Variants in ZNF704 observed in about 807,000 individuals in gnomAD.
ZNF704 encodes the protein zinc finger protein 704.
Under a neutral mutation model 44.7 loss-of-function variants are expected in ZNF704, and 10 were observed. That is an observed-to-expected ratio of 0.22 (90% CI 0.14 to 0.38). ZNF704 has a LOEUF of 0.38. Ranked by LOEUF, ZNF704 falls within the 10% of genes least tolerant of loss-of-function variation. ZNF704 has a pLI of 1.00. For missense variants in ZNF704, 390 were observed against 545.5 expected (o/e 0.71, Z 2.84); for synonymous variants, 211 against 207.6 (o/e 1.02, Z -0.14).
chr8:80,656,261 T>A (rs1451604343), intron 7 of ZNF704, among the ~76,000 whole-genome samples: 5 of 152,182 alleles, frequency 3.3e-5, no homozygotes, highest in Admixed American at 1.3e-4. Context: ...GAAGGGGTCT[T>A]CACCAGAACT....
chr8:80,779,283 C>T (rs112410754), intron 2 of ZNF704, among the ~76,000 whole-genome samples: 54 of 152,218 alleles, frequency 3.5e-4, no homozygotes, highest in African/African-American at 1.1e-3. Context: ...TTATTCTCCC[C>T]CAGGCTGGTG....
At chr8:80,687,764 A>T (rs553944010) in intron 3 of ZNF704, among the ~76,000 whole-genome samples, 13 of 152,264 alleles carry the variant, frequency 8.5e-5, no homozygotes, top group African/African-American at 3.1e-4. Flanking sequence ...GAAAAAAAAG[A>T]TTTTCTTGTT....
chr8:80,847,316 A>C (rs1385087706), intron 1 of ZNF704, among the ~76,000 whole-genome samples: 1 of 152,230 alleles, frequency 6.6e-6, no homozygotes, highest in Non-Finnish European at 1.5e-5. Flanking sequence ...TTGTTGGTGA[A>C]ATAAATCAAG....
chr8:80,670,685 C>T (rs983949114), intron 4 of ZNF704, 82 bp from the exon 5 acceptor site: 28 of 1,023,522 alleles, frequency 2.7e-5, no homozygotes, highest in Non-Finnish European at 3.9e-5. Context: ...ATATTTTTTT[C>T]CTTCATTAGA....
In ZNF704 at chr8:80,797,294, C is replaced by T. The variant is rs112232914; in HGVS notation, c.221+24080G>A. On this transcript the variant is annotated intron_variant, in intron 2 of 8. Transcript: ENST00000327835. ...GCTCTCACAGCTCCACTAGGCAATGCCCTGGTAGGAACTCTATGGCAAGAT... is the reference window on the plus strand; with the variant it reads ...GCTCTCACAGCTCCACTAGGCAATGTCCTGGTAGGAACTCTATGGCAAGAT... Among the ~76,000 whole-genome samples the T allele has an allele frequency of 3.2e-3, 488 of 152,214 alleles. 3 individuals carry two copies. The highest frequency in any genetic ancestry group is 0.011 in the African/African-American group (474 of 41,544).
At chr8:80,751,125 T>G (rs1242686842) in intron 2 of ZNF704, among the ~76,000 whole-genome samples, 4 of 152,192 alleles carry the variant, frequency 2.6e-5, no homozygotes, top group African/African-American at 9.7e-5. Context: ...TCTTAATATC[T>G]GGACATATTT....
At chr8:80,732,255 T>C (rs1303618743) in intron 2 of ZNF704, among the ~76,000 whole-genome samples, 1 of 152,220 alleles carries the variant, frequency 6.6e-6, no homozygotes, top group African/African-American at 2.4e-5. Flanking sequence ...ATTCTGTTTA[T>C]TATTCCCCTT....
intron 2 of ZNF704, among the ~76,000 whole-genome samples, chr8:80,816,577 T>C (rs1244508133): frequency 1.3e-5 from 2 of 152,190 alleles, no homozygotes; most frequent in Admixed American, 6.5e-5. Context: ...TTTTCATCTC[T>C]CTCAGAGAGA....
rs1585908707 is a variant in ZNF704 at position 80,632,891 on chromosome 8, T to A, written c.*8475A>T. 6.6e-6 allele frequency: 1 copy of A among 152,196 alleles called. No homozygotes were observed. The highest frequency in any genetic ancestry group is 2.4e-5 in the African/African-American group (1 of 41,446). The allele number at this position is 152,196 out of a possible 1,614,324, so 9.4% of individuals were successfully genotyped here. A position where few individuals can be genotyped will look rare whatever the true frequency, so the allele number is the denominator to read the frequency against. ...CTGTATTACTTTAGAAACATAATAA[T>A]AAATATTATTCATCAAAAACCCTGT... On this transcript the variant is annotated 3_prime_UTR_variant, in exon 9 of 9. Coordinates refer to ENST00000327835, the MANE Select transcript of ZNF704 (RefSeq NM_001033723.3).
intron 2 of ZNF704, among the ~76,000 whole-genome samples, chr8:80,733,757 C>T (rs566577778): frequency 1.3e-5 from 2 of 152,320 alleles, no homozygotes; most frequent in Admixed American, 1.3e-4. Context: ...GGCAGATTCA[C>T]CTCTCTATTT....
At chr8:80,851,696 C>T (rs1346401308) in intron 1 of ZNF704, among the ~76,000 whole-genome samples, 1 of 151,862 alleles carries the variant, frequency 6.6e-6, no homozygotes, top group Non-Finnish European at 1.5e-5. Context: ...GCACGTTGTG[C>T]ACATGTACCC....
At chr8:80,814,229 T>A (rs1434120226) in intron 2 of ZNF704, 2 of 152,328 alleles carry the variant, frequency 1.3e-5, no homozygotes, top group Middle Eastern at 3.4e-3. Context: ...TTCTTACAGG[T>A]AACGGAGGAC....
chr8:80,811,745 C>G (rs535485549), intron 2 of ZNF704, among the ~76,000 whole-genome samples: 68 of 152,286 alleles, frequency 4.5e-4, no homozygotes, highest in African/African-American at 1.6e-3. Flanking sequence ...GAATTGTGTA[C>G]AAGGGGCTTA....
At position 80,628,999 on chromosome 8, in the gene ZNF704, C is replaced by T. The variant is rs1817544179; in HGVS notation, c.*12367G>A. 1 of 151,982 alleles carries T rather than the reference C, an allele frequency of 6.6e-6. No homozygotes were observed. The highest frequency in any genetic ancestry group is 1.5e-5 in the Non-Finnish European group (1 of 68,014). 9.4% of individuals were successfully genotyped at this position (151,982 alleles called of 1,614,324 possible). On this transcript the variant is annotated 3_prime_UTR_variant, in exon 9 of 9. Coordinates refer to ENST00000327835, the MANE Select transcript of ZNF704 (RefSeq NM_001033723.3). Reference sequence around the variant, plus strand: ...AAATTTCCTTCTGTTTCAATTAGCACCAGTGTATTTAAAAATATTTTTCCT... The same window carrying T: ...AAATTTCCTTCTGTTTCAATTAGCATCAGTGTATTTAAAAATATTTTTCCT...
chr8:80,687,156 G>A (rs992933512), intron 4 of ZNF704, 70 bp downstream of exon 4: 22 of 1,347,188 alleles, frequency 1.6e-5, no homozygotes, highest in Middle Eastern at 1.9e-4. Context: ...AGCTCACACC[G>A]GCCCTTCAGA....
At chr8:80,876,187 G>A (rs187142743), upstream of ZNF704, among the ~76,000 whole-genome samples, 9 of 152,076 alleles carry the variant, frequency 5.9e-5, no homozygotes, top group Admixed American at 4.6e-4. Flanking sequence ...TTATGTTTCC[G>A]AAACCCCATT....
At chr8:80,861,671 C>T (rs567790118) in intron 1 of ZNF704, among the ~76,000 whole-genome samples, 2 of 151,794 alleles carry the variant, frequency 1.3e-5, no homozygotes, top group Admixed American at 1.3e-4. Flanking sequence ...TCCCAGTCAC[C>T]TTCCCTTCTC....
rs1014003306 is a variant in ZNF704 at position 80,635,851 on chromosome 8, C to A, written c.*5515G>T. 6.6e-6 allele frequency: 1 copy of A among 152,238 alleles called. No individual in the cohort carries two copies. 9.4% of individuals were successfully genotyped at this position (152,238 alleles called of 1,614,324 possible). A position where few individuals can be genotyped will look rare whatever the true frequency, so the allele number is the denominator to read the frequency against. ...CCATTCCATCTGATCTGTATTTCTA[C>A]CCTTGCTGCAGAGGGTTAATTAAAA... On this transcript the variant is annotated 3_prime_UTR_variant, in exon 9 of 9. Transcript: ENST00000327835.
At chr8:80,690,332 T>C (rs1245491549) in intron 3 of ZNF704, among the ~76,000 whole-genome samples, 1 of 152,186 alleles carries the variant, frequency 6.6e-6, no homozygotes. Flanking sequence ...GTAAAAATAA[T>C]GATTACTTTA....
Sources: gnomAD v4.1 joint callset for allele counts (sites outside exome capture counted in the v4.1 genomes callset) on GRCh38, gnomAD v4.1.1 for gene constraint, MANE v1.5 for transcripts, NCBI Gene and HGNC (gene_info 2026-07-23, HGNC 2026-07-21) for gene names.